The following EXD1 variants were observed in gnomAD, a reference collection of about 807,000 sequenced individuals.
The protein encoded by EXD1 is piRNA biogenesis protein EXD1.
In EXD1, 63 loss-of-function variants were observed where a neutral mutation model predicts 49.1. The ratio of observed to expected loss-of-function variants is 1.28; its 90% CI spans 1.05 to 1.58. The LOEUF is 1.58. Ranked by LOEUF, EXD1 falls within the 40% of genes most tolerant of loss-of-function variation. The pLI is 0.00. For synonymous variants in EXD1, 234 were observed against 239.2 expected, an observed-to-expected ratio of 0.98 and a Z score of 0.20; for missense variants, 748 against 666.0, an observed-to-expected ratio of 1.12 and a Z score of -1.36.
chr15:41,205,817 T>G (rs976606784), intron 7 of EXD1, among the ~76,000 whole-genome samples: 2 of 152,006 alleles, frequency 1.3e-5, no homozygotes. Flanking sequence ...AGAGAAACGA[T>G]TCTCCTTGAC....
At position 41,215,810 on chromosome 15, in the gene EXD1, C is replaced by A; in HGVS notation, c.412G>T (p.Val138Phe). 1.9e-6 allele frequency: 3 copies of A among 1,614,012 alleles called. No individual in the cohort carries two copies. The highest frequency in any genetic ancestry group is 2.5e-6 in the Non-Finnish European group (3 of 1,179,964). ...PSEEEEVTYT[V>F]INQFQQKFGA... ...AACTTCTGCTGGAATTGATTAATGA[C>A]TGTGTATGTCACCTCCTCTTCCTCT... The change falls in exon 6 of 12, where the codon GTC becomes TTC. Residue 138 changes from valine (V) to phenylalanine (F), a missense_variant. Transcript: ENST00000458580.
chr15:41,208,369 GAAAAA>G (rs10586810), intron 7 of EXD1, among the ~76,000 whole-genome samples: 38 of 62,680 alleles, frequency 6.1e-4, no homozygotes, highest in South Asian at 3.0e-3. Flanking sequence ...ACTCATCTCT[GAAAAA>G]AAAAAAAAAA....
At chr15:41,217,243 G>A in intron 3 of EXD1, 89 bp from the exon 4 acceptor site, 2 of 1,052,668 alleles carry the variant, frequency 1.9e-6, no homozygotes, top group Admixed American at 2.1e-5. Flanking sequence ...GTTTAACCAT[G>A]TACTGCAAAC....
rs534413902 is a variant in EXD1 at position 41,218,699 on chromosome 15, T to C, written c.202+1131A>G. 5.5e-4 allele frequency among the ~76,000 whole-genome samples: 83 copies of C among 152,170 alleles called. 1 individual carries two copies. In the South Asian group the frequency reaches 0.016, roughly 29 times the overall value. On this transcript the variant is annotated intron_variant, in intron 3 of 11. Transcript: ENST00000458580. ...AGCTCTGTTTCACTTCAAAGGCTGA[T>C]AGTGAAAACACAATTAAGAACTCCA...
intron 11 of EXD1, among the ~76,000 whole-genome samples, chr15:41,185,998 A>G (rs185806375): frequency 1.3e-5 from 2 of 152,094 alleles, no homozygotes; most frequent in Admixed American, 1.3e-4. Flanking sequence ...TTCAATTTCC[A>G]TAGCTCATAT....
chr15:41,197,622 A>G (rs539556122), intron 7 of EXD1, among the ~76,000 whole-genome samples: 17 of 152,046 alleles, frequency 1.1e-4, no homozygotes, highest in African/African-American at 3.9e-4. Flanking sequence ...AAAAGCAAAG[A>G]AAAGGACAAG....
In EXD1 at chr15:41,216,753, T is replaced by C. The variant is rs778147164; in HGVS notation, c.303A>G (p.Glu101=). Reference sequence around the variant, plus strand: ...AAGCAGGCTCACATACATTTAGGTCTTCAACTTTCATTTTCTCCATCCAGG... The same window carrying C: ...AAGCAGGCTCACATACATTTAGGTCCTCAACTTTCATTTTCTCCATCCAGG... ...ERTWMEKMKV[E]DLNVCEPASP... is the part of the protein sequence containing the mutation. Residue 101 remains glutamate, a synonymous_variant, in exon 5 of 12, where the codon GAA becomes GAG. Transcript: ENST00000458580. 6.2e-7 allele frequency: 1 copy of C among 1,613,924 alleles called. No individual in the cohort carries two copies. The highest frequency in any genetic ancestry group is 1.3e-5 in the African/African-American group (1 of 75,056).
intron 7 of EXD1, among the ~76,000 whole-genome samples, chr15:41,207,574 T>C (rs1331681130): frequency 4.6e-5 from 7 of 151,898 alleles, no homozygotes; most frequent in Admixed American, 4.6e-4. Context: ...ATAAACGTAG[T>C]GCCTCTGAAG....
chr15:41,226,315 T>G (rs1239662973), intron 2 of EXD1, 128 bp downstream of exon 2: 1 of 915,550 alleles, frequency 1.1e-6, no homozygotes, highest in African/African-American at 1.7e-5. Context: ...GAAAACAATA[T>G]TCTAACCTTC....
At chr15:41,189,064 G>C (rs1408426924) in intron 11 of EXD1, among the ~76,000 whole-genome samples, 1 of 151,642 alleles carries the variant, frequency 6.6e-6, no homozygotes, top group Non-Finnish European at 1.5e-5. Flanking sequence ...ATATCTCTCT[G>C]CTGCATAAGA....
intron 7 of EXD1, among the ~76,000 whole-genome samples, chr15:41,201,896 A>C (rs959504338): frequency 2.6e-5 from 4 of 152,052 alleles, no homozygotes; most frequent in Admixed American, 6.6e-5. Flanking sequence ...GCTCATGTCT[A>C]TATCTCAGCA....
At chr15:41,230,243 C>G (rs1056438356) in intron 1 of EXD1, among the ~76,000 whole-genome samples, 4 of 151,872 alleles carry the variant, frequency 2.6e-5, no homozygotes, top group Admixed American at 2.6e-4. Flanking sequence ...GGCACCACAC[C>G]CGGATAATTT....
intron 6 of EXD1, 71 bp downstream of exon 6, chr15:41,215,704 A>T: frequency 6.7e-7 from 1 of 1,492,994 alleles, no homozygotes; most frequent in Non-Finnish European, 9.3e-7. Flanking sequence ...AAAGAAAGAA[A>T]GAAATTTATG....
chr15:41,227,235 T>A (rs944009739), intron 1 of EXD1, among the ~76,000 whole-genome samples: 2 of 152,248 alleles, frequency 1.3e-5, no homozygotes, highest in African/African-American at 4.8e-5. Context: ...TTTAATGAAT[T>A]GAATTTTAGA....
chr15:41,190,069 G>A lies in EXD1; in HGVS notation c.924C>T (p.Ala308=), dbSNP rs775334527. 8 of 1,614,014 alleles carry A rather than the reference G, an allele frequency of 5.0e-6. No individual in the cohort carries two copies. The East Asian group carries it at 1.8e-4, about 36-fold the overall frequency. ...PVSPSLLKIL[A]LEATYLLPLR... ...GGGGTAACAGGTAGGTAGCTTCCAG[G>A]GCCAAAATTTTCAGTAAAGAGGGTG... Residue 308 remains alanine, a synonymous_variant, in exon 11 of 12, where the codon GCC becomes GCT. Coordinates refer to ENST00000458580, the MANE Select transcript of EXD1 (RefSeq NM_001286441.2).
chr15:41,213,460 A>C (rs1403450352), intron 6 of EXD1, among the ~76,000 whole-genome samples: 1 of 151,524 alleles, frequency 6.6e-6, no homozygotes, highest in Non-Finnish European at 1.5e-5. Context: ...CGGCCTCGCA[A>C]AGTGCTGGGA....
intron 1 of EXD1, among the ~76,000 whole-genome samples, chr15:41,227,848 G>A (rs569905608): frequency 2.0e-5 from 3 of 150,570 alleles, no homozygotes; most frequent in South Asian, 2.1e-4. Context: ...TCAGGAGTTC[G>A]AGACCAGCCT....
At chr15:41,194,672 A>G (rs1432380975) in intron 9 of EXD1, among the ~76,000 whole-genome samples, 1 of 152,222 alleles carries the variant, frequency 6.6e-6, no homozygotes, top group Non-Finnish European at 1.5e-5. Context: ...AGAAAAAGAA[A>G]TTGGTGAAAA....
chr15:41,192,594 A>ATTTTTTTTTTTT lies in EXD1; in HGVS notation c.721-1021_721-1010dup, dbSNP rs59054803. ...ACAGGCGTGAACCACTGCGCCAGGC[A>ATTTTTTTTTTTT]TTTTTTTTTTTTTTTTTTTTTTTTT... On this transcript the variant is annotated intron_variant, in intron 9 of 11. Transcript: ENST00000458580. Among the ~76,000 whole-genome samples, 15 of 40,876 alleles carry ATTTTTTTTTTTT rather than the reference A, an allele frequency of 3.7e-4. 5 individuals are homozygous for ATTTTTTTTTTTT. The highest frequency in any genetic ancestry group is 3.3e-4 in the Non-Finnish European group (6 of 18,054). 26.8% of individuals were successfully genotyped at this position (40,876 alleles called of 152,430 possible).
Sources: allele counts gnomAD v4.1 joint callset (sites outside exome capture counted in the v4.1 genomes callset), GRCh38; gene constraint gnomAD v4.1.1; transcripts MANE v1.5; gene names NCBI Gene and HGNC (gene_info 2026-07-23, HGNC 2026-07-21).